PDE4D: variants seen among roughly 807,000 people sequenced by gnomAD.
PDE4D encodes the protein 3',5'-cyclic-AMP phosphodiesterase 4D.
In PDE4D, 24 loss-of-function variants were observed where a neutral mutation model predicts 87.4. The observed-to-expected ratio is 0.27, with a 90% confidence interval of 0.20 to 0.39. The LOEUF (loss-of-function observed/expected upper bound fraction) is 0.39, where lower values mean the gene tolerates loss of function less well. Ranked by LOEUF, PDE4D falls within the 10% of genes least tolerant of loss-of-function variation. The pLI, the probability that PDE4D is intolerant of heterozygous loss-of-function variation, is 1.00. For synonymous variants in PDE4D, 384 were observed against 383.2 expected (o/e 1.00, Z -0.02); for missense variants, 714 against 1,041.0 (o/e 0.69, Z 4.32).
chr5:59,225,626 A>G (rs1353926610), intron 1 of PDE4D, among the ~76,000 whole-genome samples: 1 of 152,096 alleles, frequency 6.6e-6, no homozygotes, highest in Non-Finnish European at 1.5e-5. Flanking sequence ...GCATAAGCAA[A>G]AAAAGCAAAA....
At chr5:60,063,556 T>G (rs1771727312) in intron 2 of PDE4D, among the ~76,000 whole-genome samples, 1 of 152,056 alleles carries the variant, frequency 6.6e-6, no homozygotes, top group South Asian at 2.1e-4. Flanking sequence ...GAAATTTAGT[T>G]TATAGTTTGA....
chr5:60,385,599 G>T (rs886937146), intron 1 of PDE4D, among the ~76,000 whole-genome samples: 1 of 152,226 alleles, frequency 6.6e-6, no homozygotes. Flanking sequence ...TGCCTCTGGT[G>T]CAGCCTGCAA....
intron 2 of PDE4D, among the ~76,000 whole-genome samples, chr5:60,142,086 T>C (rs1017624441): frequency 5.3e-5 from 8 of 152,044 alleles, no homozygotes; most frequent in Non-Finnish European, 8.8e-5. Context: ...TACCTACACA[T>C]GCAAAGCATT....
At chr5:60,128,867 G>A (rs951118593) in intron 2 of PDE4D, among the ~76,000 whole-genome samples, 2 of 152,140 alleles carry the variant, frequency 1.3e-5, no homozygotes, top group Admixed American at 6.6e-5. Flanking sequence ...AATTTGCTAC[G>A]ATGCATTTTC....
intron 1 of PDE4D, among the ~76,000 whole-genome samples, chr5:59,636,566 A>C (rs527298484): frequency 6.6e-6 from 1 of 152,328 alleles, no homozygotes; most frequent in South Asian, 2.1e-4. Context: ...ATATAGACCA[A>C]TGGAACAGAA....
rs79857765 is a variant in PDE4D at position 60,234,193 on chromosome 5, C to T, written c.-89-48506G>A. ...GACACTTCATATAAATTGAGTCATA[C>T]AAGAAGTAGTCTTTTGTGACTTGCT... On this transcript the variant is annotated intron_variant, in intron 1 of 16. Coordinates refer to the PDE4D transcript ENST00000502484. Among the ~76,000 whole-genome samples, 1,150 of 151,918 alleles carry T rather than the reference C, an allele frequency of 7.6e-3. 14 individuals carry two copies. Among genetic ancestry groups the T allele is most frequent in the African/African-American group, 0.025 (1,034 of 41,520 alleles).
At chr5:59,038,748 G>A in intron 6 of PDE4D, 111 bp downstream of exon 6, 1 of 1,055,398 alleles carries the variant, frequency 9.5e-7, no homozygotes, top group Non-Finnish European at 1.3e-6. Context: ...CCAACATGCA[G>A]TAAGCCTAAA....
At chr5:59,393,269 T>C (rs427748) in intron 1 of PDE4D, among the ~76,000 whole-genome samples, 63,737 of 151,894 alleles carry the variant, frequency 0.42, 13,659 homozygotes, top group East Asian at 0.49. Context: ...ATGCCAGAGA[T>C]GGGGACTCAA....
chr5:59,721,877 T>C (rs1755878056), intron 1 of PDE4D, among the ~76,000 whole-genome samples: 1 of 152,154 alleles, frequency 6.6e-6, no homozygotes. Context: ...CTCTGTGTCT[T>C]CACATTCCCA....
chr5:59,609,877 T>C (rs141271580), intron 1 of PDE4D, among the ~76,000 whole-genome samples: 2 of 152,216 alleles, frequency 1.3e-5, no homozygotes, highest in East Asian at 3.9e-4. Flanking sequence ...CTCCTAATCA[T>C]ATCCCGGAAA....
intron 1 of PDE4D, among the ~76,000 whole-genome samples, chr5:60,503,716 CG>C (rs1477203219): frequency 2.6e-5 from 4 of 152,080 alleles, no homozygotes; most frequent in Non-Finnish European, 5.9e-5. Flanking sequence ...TGGTCTTCTA[CG>C]GGTTTATCAG....
At chr5:59,494,138 G>A (rs1397766839) in intron 1 of PDE4D, among the ~76,000 whole-genome samples, 5 of 152,194 alleles carry the variant, frequency 3.3e-5, no homozygotes, top group Non-Finnish European at 5.9e-5. Flanking sequence ...GAGACAGAAT[G>A]TAATGCTTTG....
intron 1 of PDE4D, among the ~76,000 whole-genome samples, chr5:59,427,809 C>A (rs1386796807): frequency 1.4e-5 from 2 of 143,514 alleles, no homozygotes; most frequent in African/African-American, 5.5e-5. Context: ...CAGACACAGA[C>A]CCTGTCTCAA....
At chr5:59,072,460 C>T (rs777165510) in intron 5 of PDE4D, among the ~76,000 whole-genome samples, 3 of 152,164 alleles carry the variant, frequency 2.0e-5, no homozygotes, top group Non-Finnish European at 4.4e-5. Context: ...TTTATTTAAT[C>T]CCTCTGTTTT....
intron 1 of PDE4D, among the ~76,000 whole-genome samples, chr5:59,381,027 C>T (rs2153602764): frequency 6.6e-6 from 1 of 152,238 alleles, no homozygotes; most frequent in Admixed American, 6.5e-5. Flanking sequence ...TACTATCTGG[C>T]TTGTCACAGA....
At chr5:59,752,666 G>A (rs552204380) in intron 1 of PDE4D, among the ~76,000 whole-genome samples, 15 of 152,246 alleles carry the variant, frequency 9.9e-5, no homozygotes, top group Non-Finnish European at 2.1e-4. Flanking sequence ...GGAAATTAAT[G>A]TCATCTAGTG....
At chr5:59,792,275 A>C (rs994114304) in intron 1 of PDE4D, among the ~76,000 whole-genome samples, 9 of 152,362 alleles carry the variant, frequency 5.9e-5, no homozygotes, top group Middle Eastern at 6.8e-3. Context: ...TTTCATAACA[A>C]GTCTGAGGCC....
intron 1 of PDE4D, among the ~76,000 whole-genome samples, chr5:59,230,648 G>T (rs1045596623): frequency 3.3e-5 from 5 of 152,090 alleles, no homozygotes; most frequent in African/African-American, 1.2e-4. Context: ...ACCGAATTCT[G>T]ATTCTTTTAG....
chr5:60,080,598 T>G (rs920867264), intron 2 of PDE4D, among the ~76,000 whole-genome samples: 1 of 152,226 alleles, frequency 6.6e-6, no homozygotes, highest in Non-Finnish European at 1.5e-5. Flanking sequence ...GAAGGGATGT[T>G]GAATTTTATT....
Sources: allele counts gnomAD v4.1 joint callset (sites outside exome capture counted in the v4.1 genomes callset), GRCh38; gene constraint gnomAD v4.1.1; transcripts MANE v1.5; gene names NCBI Gene and HGNC (gene_info 2026-07-23, HGNC 2026-07-21).